SUPT3H: variants seen among roughly 807,000 people sequenced by gnomAD.
SUPT3H encodes transcription initiation protein SPT3 homolog.
A neutral mutation model predicts 44.3 loss-of-function variants in SUPT3H; 44 were observed. The ratio of observed to expected loss-of-function variants is 0.99; its 90% CI spans 0.78 to 1.28. The LOEUF is 1.28. Among genes scored for constraint, SUPT3H ranks in the 50% most tolerant of loss-of-function variants. The probability of loss-of-function intolerance (pLI) is 0.00; values close to 1 mark genes in which losing one functional copy is unlikely to be tolerated. For synonymous variants in SUPT3H, 124 were observed against 125.6 expected (o/e 0.99, Z 0.09); for missense variants, 380 against 387.1 (o/e 0.98, Z 0.15).
chr6:44,928,886 A>ATAAAT lies in SUPT3H; in HGVS notation c.912+3766_912+3767insATTTA, dbSNP rs1474494728. 2.3e-4 allele frequency among the ~76,000 whole-genome samples: 28 copies of ATAAAT among 122,648 alleles called. 1 individual carries two copies. Among genetic ancestry groups the ATAAAT allele is most frequent in the African/African-American group, 8.4e-4 (26 of 31,044 alleles). The allele number at this position is 122,648 out of a possible 152,430, so 80.5% of individuals were successfully genotyped here. A position where few individuals can be genotyped will look rare whatever the true frequency, so the allele number is the denominator to read the frequency against. The stretch of plus-strand genomic sequence containing the variant: ...CGACAGAACGAGACTCCGTCTCAAA[A>ATAAAT]AAAAAAAAAAAAAAAAAAGAAAAGA... On this transcript the variant is annotated intron_variant, in intron 10 of 10. Coordinates refer to ENST00000371459, the MANE Select transcript of SUPT3H (RefSeq NM_003599.4).
At chr6:45,371,504 T>C (rs562886752) in intron 1 of SUPT3H, among the ~76,000 whole-genome samples, 12 of 151,930 alleles carry the variant, frequency 7.9e-5, no homozygotes, top group Non-Finnish European at 1.2e-4. Context: ...CAGGCTTTGA[T>C]CCCAGATAGC....
At chr6:44,976,905 A>T (rs9472412) in intron 6 of SUPT3H, among the ~76,000 whole-genome samples, 20 of 152,134 alleles carry the variant, frequency 1.3e-4, no homozygotes, top group African/African-American at 4.1e-4. Flanking sequence ...CTCTGCAATC[A>T]TAAGTGCAAA....
At chr6:45,208,808 A>T (rs1763618213) in intron 2 of SUPT3H, among the ~76,000 whole-genome samples, 1 of 151,954 alleles carries the variant, frequency 6.6e-6, no homozygotes, top group South Asian at 2.1e-4. Context: ...AAACTCCCAT[A>T]GCTGGAGAGG....
At chr6:45,032,835 T>TA (rs1787149262) in intron 3 of SUPT3H, among the ~76,000 whole-genome samples, 1 of 152,168 alleles carries the variant, frequency 6.6e-6, no homozygotes, top group Admixed American at 6.6e-5. Flanking sequence ...GCTCTCTTTA[T>TA]AAGAAGGCGG....
At chr6:45,253,515 GC>G (rs933397490) in intron 2 of SUPT3H, among the ~76,000 whole-genome samples, 24 of 151,984 alleles carry the variant, frequency 1.6e-4, no homozygotes, top group African/African-American at 5.8e-4. Flanking sequence ...TATAAGCTGG[GC>G]CCAGTGGCTC....
At chr6:45,184,775 G>GAAAAAAAAA (rs55652227) in intron 2 of SUPT3H, among the ~76,000 whole-genome samples, 1 of 128,578 alleles carries the variant, frequency 7.8e-6, no homozygotes. Context: ...ACAGGCAGAG[G>GAAAAAAAAA]AAAAAAAAAA....
intron 10 of SUPT3H, among the ~76,000 whole-genome samples, chr6:44,891,388 A>G (rs1763290870): frequency 6.6e-6 from 1 of 152,148 alleles, no homozygotes; most frequent in Non-Finnish European, 1.5e-5. Flanking sequence ...ACTAAAACAA[A>G]TGTGGTTTAT....
chr6:44,932,713 G>A lies in SUPT3H; in HGVS notation c.852C>T (p.Cys284=). The part of the protein sequence containing the change: ...VEAHSDAIQP[C]HIREAIRRYS... ...AGCGTCGAATGGCCTCTCTGATGTGGCAGGGCTGGATGGCATCGCTGTGAG... is the reference window on the plus strand; with the variant it reads ...AGCGTCGAATGGCCTCTCTGATGTGACAGGGCTGGATGGCATCGCTGTGAG... The change falls in exon 10 of 11, where the codon TGC becomes TGT. Residue 284 remains cysteine, a synonymous_variant. Transcript: ENST00000371459. The A allele has an allele frequency of 1.9e-6, 3 of 1,611,402 alleles. No individual in the cohort carries two copies. The highest frequency in any genetic ancestry group is 2.5e-6 in the Non-Finnish European group (3 of 1,178,862).
intron 2 of SUPT3H, among the ~76,000 whole-genome samples, chr6:45,160,714 A>G (rs1808806846): frequency 6.6e-6 from 1 of 152,158 alleles, no homozygotes; most frequent in South Asian, 2.1e-4. Flanking sequence ...AAAACTACTC[A>G]TAGACACAAA....
Position 45,039,809 on chromosome 6 carries a change from AAAAC to A in SUPT3H, c.187-19181_187-19178del, listed in dbSNP as rs369024837. Among the ~76,000 whole-genome samples, 391 of 146,970 alleles carry A rather than the reference AAAAC, an allele frequency of 2.7e-3. 3 individuals carry two copies. Among genetic ancestry groups the A allele is most frequent in the African/African-American group, 9.1e-3 (356 of 39,336 alleles). ...CAAAAAAAGAAAAAAACAAAAACAAAAAACAAACAAAAAAAACCCTCTGACCTAA... is the reference window on the plus strand; with the variant it reads ...CAAAAAAAGAAAAAAACAAAAACAAAAAACAAAAAAAACCCTCTGACCTAA... On this transcript the variant is annotated intron_variant, in intron 3 of 10. Transcript: ENST00000371459.
intron 2 of SUPT3H, among the ~76,000 whole-genome samples, chr6:45,106,583 C>A (rs1799317815): frequency 6.6e-6 from 1 of 152,018 alleles, no homozygotes; most frequent in African/African-American, 2.4e-5. Flanking sequence ...GTTGCCCAGG[C>A]TGTAGTGCAG....
intron 2 of SUPT3H, among the ~76,000 whole-genome samples, chr6:45,194,422 T>C (rs1797147): frequency 0.63 from 95,129 of 151,918 alleles, 30,578 homozygotes; most frequent in African/African-American, 0.78. Context: ...CTAAACCTAT[T>C]GTTTACAACA....
At chr6:44,993,888 C>T (rs1176938300) in intron 6 of SUPT3H, among the ~76,000 whole-genome samples, 2 of 152,068 alleles carry the variant, frequency 1.3e-5, no homozygotes, top group African/African-American at 2.4e-5. Context: ...TTTTTCAATG[C>T]ACCCTAGCCC....
chr6:44,892,727 C>G (rs961645109), intron 10 of SUPT3H, among the ~76,000 whole-genome samples: 1 of 152,120 alleles, frequency 6.6e-6, no homozygotes, highest in Admixed American at 6.5e-5. Context: ...CCACATAGGT[C>G]AAGTGATTTA....
chr6:44,864,415 T>G (rs536180021), intron 10 of SUPT3H, among the ~76,000 whole-genome samples: 1 of 152,290 alleles, frequency 6.6e-6, no homozygotes, highest in East Asian at 1.9e-4. Flanking sequence ...AGGGACTCTG[T>G]GTGGGGACTC....
chr6:45,172,579 T>C (rs948446218), intron 2 of SUPT3H, among the ~76,000 whole-genome samples: 2 of 133,726 alleles, frequency 1.5e-5, no homozygotes, highest in African/African-American at 5.7e-5. Context: ...AAATAAATCC[T>C]TAAAGATAGA....
intron 2 of SUPT3H, among the ~76,000 whole-genome samples, chr6:45,206,741 G>C (rs1210416256): frequency 6.6e-6 from 1 of 152,100 alleles, no homozygotes; most frequent in Non-Finnish European, 1.5e-5. Context: ...TGTGGGCTGT[G>C]AGAGAGTTAA....
chr6:45,296,306 T>C (rs1448448032), intron 2 of SUPT3H, among the ~76,000 whole-genome samples: 2 of 151,846 alleles, frequency 1.3e-5, no homozygotes, highest in Non-Finnish European at 1.5e-5. Context: ...AGTGAAGTAA[T>C]GCAGGAATAG....
chr6:45,276,400 G>A (rs765195674), intron 2 of SUPT3H, among the ~76,000 whole-genome samples: 1 of 151,960 alleles, frequency 6.6e-6, no homozygotes, highest in Non-Finnish European at 1.5e-5. Flanking sequence ...AAAGAAAAAA[G>A]TTATGCACTA....
Sources: gnomAD v4.1 joint callset for allele counts (sites outside exome capture counted in the v4.1 genomes callset) on GRCh38, gnomAD v4.1.1 for gene constraint, MANE v1.5 for transcripts, NCBI Gene and HGNC (gene_info 2026-07-23, HGNC 2026-07-21) for gene names.